Variants in HSP90AB1 observed in about 807,000 individuals in gnomAD.
HSP90AB1 encodes heat shock protein 90 alpha family class B member 1.
In HSP90AB1, 17 loss-of-function variants were observed where a neutral mutation model predicts 67.8. The observed-to-expected ratio is 0.25, with a 90% CI of 0.17 to 0.38. The LOEUF is 0.38. Ranked by LOEUF, HSP90AB1 falls within the 10% of genes least tolerant of loss-of-function variation. The pLI, the probability that HSP90AB1 is intolerant of heterozygous loss-of-function variation, is 1.00. For missense variants in HSP90AB1, 690 were observed against 899.9 expected, an observed-to-expected ratio of 0.77 and a Z score of 2.98; for synonymous variants, 390 against 312.9, an observed-to-expected ratio of 1.25 and a Z score of -2.60.
Position 44,250,475 on chromosome 6 carries a change from A to G in HSP90AB1, c.833A>G (p.Asp278Gly). 1.9e-6 allele frequency: 3 copies of G among 1,613,938 alleles called. No homozygotes were observed. The highest frequency in any genetic ancestry group is 2.5e-6 in the Non-Finnish European group (3 of 1,179,770). Residue 278 changes from aspartate to glycine, a missense_variant, in exon 6 of 12, where the codon GAT (aspartate) becomes GGT (glycine). This residue lies in a region of HSP90AB1 where 101 missense variants were observed against 174.8 expected (regional missense o/e 0.58). Coordinates refer to ENST00000371646, the MANE Select transcript of HSP90AB1 (RefSeq NM_007355.4). The stretch of plus-strand genomic sequence containing the variant: ...AAGAAGATCAAAGAGAAATACATTG[A>G]TCAGGAAGAACTAAACAAGACCAAG... The part of the protein sequence containing the change: ...KTKKIKEKYI[D>G]QEELNKTKPI...
Position 44,252,121 on chromosome 6 carries a change from G to C in HSP90AB1, c.1585G>C (p.Asp529His). The C allele has an allele frequency of 6.2e-7, 1 of 1,614,138 alleles. No homozygotes were observed. The highest frequency in any genetic ancestry group is 1.3e-5 in the African/African-American group (1 of 75,030). The change falls in exon 10 of 12, where the codon GAT becomes CAT. Residue 529 changes from aspartate (D) to histidine (H), a missense_variant. Transcript: ENST00000371646. ...EYCVQQLKEF[D>H]GKSLVSVTKE... Reference sequence around the variant, plus strand: ...CTGTGTGCAGCAGCTCAAGGAATTTGATGGGAAGAGCCTGGTCTCAGTTAC... The same window carrying C: ...CTGTGTGCAGCAGCTCAAGGAATTTCATGGGAAGAGCCTGGTCTCAGTTAC...
chr6:44,247,490 C>T (rs917376693), intron 1 of HSP90AB1, among the ~76,000 whole-genome samples: 5 of 151,898 alleles, frequency 3.3e-5, no homozygotes, highest in African/African-American at 1.2e-4. Context: ...CCGCGCGGCC[C>T]GGGACGCTGC....
upstream of HSP90AB1, chr6:44,246,274 G>A (rs1478542106): frequency 1.3e-5 from 2 of 152,248 alleles, no homozygotes; most frequent in African/African-American, 4.8e-5. Context: ...GGAAGGAGGG[G>A]TCAGCCGATC....
chr6:44,247,833 C>T (rs911667333), intron 1 of HSP90AB1: 4 of 152,262 alleles, frequency 2.6e-5, no homozygotes, highest in African/African-American at 7.2e-5. Flanking sequence ...TGAGATTGTT[C>T]TGGAAGCTTC....
In HSP90AB1 at chr6:44,252,172, G is replaced by A. The variant is rs1188607653; in HGVS notation, c.1636G>A (p.Asp546Asn). Residue 546 changes from aspartate (D) to asparagine (N), a missense_variant, in exon 10 of 12, where the codon GAT becomes AAT. Asp to Asn is a conservative substitution (Grantham distance 23). Around this residue, in one of 7 missense-constraint regions of HSP90AB1, gnomAD observed 206 missense variants for 221.4 expected, o/e 0.93. Coordinates refer to ENST00000371646, the MANE Select transcript of HSP90AB1 (RefSeq NM_007355.4). ...VTKEGLELPE[D>N]EEEKKKMEES... is the part of the protein sequence containing the mutation. ...CAAGGAGGGTCTGGAGCTGCCTGAG[G>A]ATGAGGAGGAGAAGAAGAAGATGGA... 1.9e-6 allele frequency: 3 copies of A among 1,614,202 alleles called. No homozygotes were observed. The highest frequency in any genetic ancestry group is 3.3e-5 in the Admixed American group (2 of 60,024).
chr6:44,251,652 T>A, intron 8 of HSP90AB1, 44 bp downstream of exon 8: 1 of 1,586,584 alleles, frequency 6.3e-7, no homozygotes, highest in Non-Finnish European at 8.6e-7. Context: ...ACTTTCTTAG[T>A]AATAACAATA....
At chr6:44,250,654 T>C in intron 6 of HSP90AB1, 55 bp downstream of exon 6, 9 of 862,734 alleles carry the variant, frequency 1.0e-5, no homozygotes, top group African/African-American at 1.7e-5. Context: ...AGGAATGAGT[T>C]AGGTGGAAGA....
Position 44,251,121 on chromosome 6 carries a change from T to C in HSP90AB1, c.1031T>C (p.Phe344Ser). 6.2e-7 allele frequency: 1 copy of C among 1,614,154 alleles called. No individual in the cohort carries two copies. The highest frequency in any genetic ancestry group is 8.5e-7 in the Non-Finnish European group (1 of 1,179,990). ...CCTCGTCGGGCTCCCTTTGACCTTT[T>C]TGAGAACAAGAAGAAAAAGAACAAC... ...FIPRRAPFDL[F>S]ENKKKKNNIK... The change falls in exon 7 of 12, where the codon TTT becomes TCT. Residue 344 changes from phenylalanine (F) to serine (S), a missense_variant. Coordinates refer to ENST00000371646, the MANE Select transcript of HSP90AB1 (RefSeq NM_007355.4).
At chr6:44,252,375 C>A (rs1433171460) in intron 10 of HSP90AB1, 108 bp downstream of exon 10, 4 of 1,007,696 alleles carry the variant, frequency 4.0e-6, no homozygotes, top group Middle Eastern at 2.1e-4. Flanking sequence ...TTTACTGTTT[C>A]ATGCCTTCTT....
chr6:44,251,628 T>A lies in HSP90AB1; in HGVS notation c.1314+20T>A. On this transcript the variant is annotated intron_variant, in intron 8 of 11. Transcript: ENST00000371646. ...CTCAAGGTAAAAAGGCAAATAATGC[T>A]TATTCCCTTTACCACTTTCTTAGTA... The A allele has an allele frequency of 1.3e-6, 2 of 1,592,846 alleles. No individual in the cohort carries two copies. The highest frequency in any genetic ancestry group is 1.7e-6 in the Non-Finnish European group (2 of 1,166,658).
chr6:44,253,062 A>G lies in HSP90AB1; in HGVS notation c.1749A>G (p.Arg583=). 1 of 1,613,854 alleles carries G rather than the reference A, an allele frequency of 6.2e-7. No homozygotes were observed. The highest frequency in any genetic ancestry group is 8.5e-7 in the Non-Finnish European group (1 of 1,179,750). ...KKVEKVTISN[R]LVSSPCCIVT... ...GTCCACAGGTGACAATCTCCAATAG[A>G]CTTGTGTCTTCACCTTGCTGCATTG... is the stretch of plus-strand genomic sequence containing the variant. The change falls in exon 11 of 12, where the codon AGA becomes AGG. Residue 583 remains arginine, a synonymous_variant. Coordinates refer to ENST00000371646, the MANE Select transcript of HSP90AB1 (RefSeq NM_007355.4).
chr6:44,252,929 G>A, intron 10 of HSP90AB1, 116 bp from the exon 11 acceptor site: 2 of 787,486 alleles, frequency 2.5e-6, no homozygotes, highest in Non-Finnish European at 4.2e-6. Flanking sequence ...GGCCAGCATG[G>A]TCTCAAACTC....
Position 44,253,625 on chromosome 6 carries a change from G to T in HSP90AB1, c.*27G>T. ...TTAGGAGTTCATAGTTGGAAAACTTGTGCCCTTGTATAGTGTCCCCATGGG... is the reference window on the plus strand; with the variant it reads ...TTAGGAGTTCATAGTTGGAAAACTTTTGCCCTTGTATAGTGTCCCCATGGG... On this transcript the variant is annotated 3_prime_UTR_variant, in exon 12 of 12. Transcript: ENST00000371646. The T allele has an allele frequency of 2.5e-6, 4 of 1,583,006 alleles. No homozygotes were observed. In the South Asian group the frequency reaches 3.3e-5, roughly 13 times the overall value.
In HSP90AB1 at chr6:44,250,788, C is replaced by T. The variant is rs544420551; in HGVS notation, c.957+189C>T. On this transcript the variant is annotated intron_variant, in intron 6 of 11. Coordinates refer to ENST00000371646, the MANE Select transcript of HSP90AB1 (RefSeq NM_007355.4). ...ATCATTTCTAATGACCTCACTTTCT[C>T]TTCTTATGGAAATCTGGGTAATGTC... Among the ~76,000 whole-genome samples, 15 of 151,616 alleles carry T rather than the reference C, an allele frequency of 9.9e-5. No individual in the cohort carries two copies. In the South Asian group the frequency reaches 3.1e-3, roughly 31 times the overall value.
At position 44,253,556 on chromosome 6, in the gene HSP90AB1, C is replaced by G. The variant is rs147025760; in HGVS notation, c.2133C>G (p.Leu711=). 2 of 1,611,540 alleles carry G rather than the reference C, an allele frequency of 1.2e-6. No homozygotes were observed. Among genetic ancestry groups the G allele is most frequent in the Non-Finnish European group, 1.7e-6 (2 of 1,178,296 alleles). Residue 711 remains leucine, a synonymous_variant, in exon 12 of 12, where the codon CTC becomes CTG. Coordinates refer to ENST00000371646, the MANE Select transcript of HSP90AB1 (RefSeq NM_007355.4). ...NAAVPDEIPP[L]EGDEDASRME... ...CAGTTCCTGATGAGATCCCCCCTCT[C>G]GAGGGCGATGAGGATGCGTCTCGCA...
chr6:44,248,490 T>G (rs1229640008), intron 1 of HSP90AB1, 140 bp from the exon 2 acceptor site: 17 of 639,588 alleles, frequency 2.7e-5, no homozygotes, highest in Non-Finnish European at 4.4e-5. Context: ...AGAATGCATT[T>G]TTAGTCTTGG....
intron 4 of HSP90AB1, 60 bp from the exon 5 acceptor site, chr6:44,249,961 T>C: frequency 1.2e-6 from 2 of 1,601,608 alleles, no homozygotes; most frequent in Non-Finnish European, 1.7e-6. Flanking sequence ...ACTTACTAAT[T>C]GCTGGTCTCA....
chr6:44,251,343 C>T, intron 7 of HSP90AB1, 75 bp from the exon 8 acceptor site: 1 of 1,529,488 alleles, frequency 6.5e-7, no homozygotes, highest in South Asian at 1.2e-5. Flanking sequence ...GCTATTAGAG[C>T]CTTCTGTTTG....
At chr6:44,247,454 G>T (rs1309585516) in intron 1 of HSP90AB1, among the ~76,000 whole-genome samples, 4 of 152,154 alleles carry the variant, frequency 2.6e-5, no homozygotes, top group African/African-American at 9.7e-5. Flanking sequence ...TTGGGGCAGT[G>T]GGCGGCTGGC....
Sources: gnomAD v4.1 joint callset for allele counts (sites outside exome capture counted in the v4.1 genomes callset) on GRCh38, gnomAD v4.1.1 for gene constraint, gnomAD v4.1.1 regional missense constraint, MANE v1.5 for transcripts, NCBI Gene and HGNC (gene_info 2026-07-23, HGNC 2026-07-21) for gene names.